The following PLA2R1 variants were observed in gnomAD, a reference collection of about 807,000 sequenced individuals.
PLA2R1 encodes the protein phospholipase A2 receptor 1.
Under a neutral mutation model 195.9 loss-of-function variants are expected in PLA2R1, and 158 were observed. The observed-to-expected ratio is 0.81, with a 90% CI of 0.71 to 0.92. The LOEUF (loss-of-function observed/expected upper bound fraction) is 0.92, where lower values mean the gene tolerates loss of function less well. PLA2R1 is among the 40% of genes least tolerant of loss of function. The pLI is 0.00. For synonymous variants in PLA2R1, 586 were observed against 598.2 expected (o/e 0.98, Z 0.30); for missense variants, 1,626 against 1,764.6 (o/e 0.92, Z 1.41).
Position 160,028,340 on chromosome 2 carries a change from A to T in PLA2R1, c.977T>A (p.Val326Asp), listed in dbSNP as rs1693649232. Reference protein sequence around the residue: ...WSPEVNFEPFVEDHCGTFSSF... With the variant: ...WSPEVNFEPFDEDHCGTFSSF... ...ACTAAATGTTCCACAGTGATCTTCA[A>T]CAAATGGCTCAAAATTTACCTCTGA... Residue 326 changes from valine to aspartate, a missense_variant, in exon 6 of 30, where the codon GTT (valine) becomes GAT (aspartate). Transcript: ENST00000283243. 1 of 1,609,250 alleles carries T rather than the reference A, an allele frequency of 6.2e-7. No individual in the cohort carries two copies.
chr2:159,992,427 G>C lies in PLA2R1; in HGVS notation c.1835-5069C>G, dbSNP rs1574753983. On this transcript the variant is annotated intron_variant, in intron 11 of 29. Transcript: ENST00000283243. ...CTCCCATTCACAATTGCTTCAAAGA[G>C]AATAAAATACCTAGGAATCCAACTT... Among the ~76,000 whole-genome samples, 4 of 146,766 alleles carry C rather than the reference G, an allele frequency of 2.7e-5. 1 individual carries two copies. Among genetic ancestry groups the C allele is most frequent in the South Asian group, 4.6e-4 (2 of 4,336 alleles).
chr2:160,000,302 A>G (rs1691506711), intron 11 of PLA2R1, among the ~76,000 whole-genome samples: 2 of 152,200 alleles, frequency 1.3e-5, no homozygotes, highest in Admixed American at 1.3e-4. Flanking sequence ...ATAATAAGAA[A>G]AGAAATAACT....
At chr2:160,006,520 C>T (rs1691996793) in intron 10 of PLA2R1, among the ~76,000 whole-genome samples, 1 of 152,140 alleles carries the variant, frequency 6.6e-6, no homozygotes, top group African/African-American at 2.4e-5. Flanking sequence ...TGGCAGTGCC[C>T]CCTTTCCAGT....
At chr2:160,010,106 T>C (rs1225137965) in intron 10 of PLA2R1, among the ~76,000 whole-genome samples, 3 of 152,102 alleles carry the variant, frequency 2.0e-5, no homozygotes, top group Non-Finnish European at 4.4e-5. Flanking sequence ...TAAGACACTG[T>C]CTCAAAAATA....
intron 8 of PLA2R1, among the ~76,000 whole-genome samples, chr2:160,018,275 T>C (rs1262561652): frequency 6.6e-6 from 1 of 152,134 alleles, no homozygotes. Context: ...AACATACCCA[T>C]GCCTGTCAAT....
At chr2:159,946,225 T>C (rs1040279589) in intron 27 of PLA2R1, 51 of 968,532 alleles carry the variant, frequency 5.3e-5, no homozygotes, top group Admixed American at 3.7e-4. Context: ...GTGATTAAAA[T>C]ACTCCTCCTC....
At chr2:160,034,720 G>C (rs768338135) in intron 3 of PLA2R1, among the ~76,000 whole-genome samples, 26 of 152,140 alleles carry the variant, frequency 1.7e-4, no homozygotes, top group Non-Finnish European at 2.9e-4. Flanking sequence ...ATCACTTGAA[G>C]TCAGGAGTTC....
At chr2:160,059,667 G>A in intron 1 of PLA2R1, among the ~76,000 whole-genome samples, 1 of 152,134 alleles carries the variant, frequency 6.6e-6, no homozygotes, top group Non-Finnish European at 1.5e-5. Context: ...TCACACTGCT[G>A]AAAAAGACAT....
intron 1 of PLA2R1, among the ~76,000 whole-genome samples, chr2:160,053,856 G>C (rs1308708777): frequency 6.6e-6 from 1 of 152,208 alleles, no homozygotes; most frequent in Non-Finnish European, 1.5e-5. Context: ...TTGTTCCATT[G>C]GACATCATGC....
chr2:159,930,678 A>G (rs1686567939), downstream of PLA2R1, among the ~76,000 whole-genome samples: 6 of 152,172 alleles, frequency 3.9e-5, no homozygotes, highest in South Asian at 1.2e-3. Context: ...GAAATGAAGG[A>G]AGTTGTGCTT....
chr2:160,035,566 A>C (rs17241394), intron 3 of PLA2R1, among the ~76,000 whole-genome samples: 1 of 152,096 alleles, frequency 6.6e-6, no homozygotes, highest in Non-Finnish European at 1.5e-5. Context: ...TATTCTTTAC[A>C]TCTTTGATTG....
intron 28 of PLA2R1, 63 bp downstream of exon 28, chr2:159,944,843 G>C: frequency 2.4e-6 from 3 of 1,228,896 alleles, no homozygotes; most frequent in Non-Finnish European, 2.4e-6. Context: ...AAATGCTAAA[G>C]AAGTCAGTCA....
intron 1 of PLA2R1, among the ~76,000 whole-genome samples, chr2:160,057,342 C>T (rs1695618521): frequency 6.6e-6 from 1 of 152,090 alleles, no homozygotes; most frequent in African/African-American, 2.4e-5. Context: ...TGTCCTGGGT[C>T]CCCCTTGAGA....
intron 24 of PLA2R1, among the ~76,000 whole-genome samples, chr2:159,950,970 C>G (rs773432112): frequency 6.6e-6 from 1 of 152,144 alleles, no homozygotes; most frequent in African/African-American, 2.4e-5. Flanking sequence ...AAGCATGATT[C>G]GTTTTTTCTT....
At chr2:160,026,024 T>C (rs59242460) in intron 6 of PLA2R1, among the ~76,000 whole-genome samples, 1,731 of 152,296 alleles carry the variant, frequency 0.011, 29 homozygotes, top group Middle Eastern at 0.061. Context: ...CTTGTCACAG[T>C]GGGGGAAATG....
chr2:159,955,241 A>G lies in PLA2R1; in HGVS notation c.3259T>C (p.Cys1087Arg). Residue 1087 changes from cysteine to arginine, a missense_variant, in exon 23 of 30, where the codon TGT becomes CGT. Cys to Arg is a radical substitution (Grantham distance 180). Transcript: ENST00000283243. ...ACAAACCCATAGCCTTCCTTTCCAC[A>G]GTCTTCAAAATACCATTTTCCAGTG... ...HFTGKWYFEDCGKEGYGFVCE... is the reference protein window; with the variant it reads ...HFTGKWYFEDRGKEGYGFVCE... The G allele has an allele frequency of 6.2e-7, 1 of 1,612,042 alleles. No individual in the cohort carries two copies. The highest frequency in any genetic ancestry group is 8.5e-7 in the Non-Finnish European group (1 of 1,178,614).
chr2:160,046,912 A>G (rs1207959943), intron 1 of PLA2R1, among the ~76,000 whole-genome samples: 1 of 152,106 alleles, frequency 6.6e-6, no homozygotes, highest in Non-Finnish European at 1.5e-5. Context: ...TCACTTTTTC[A>G]TGCCTGGGTA....
At position 160,062,592 on chromosome 2, in the gene PLA2R1, C is replaced by A; in HGVS notation, c.-189G>T. On this transcript the variant is annotated 5_prime_UTR_variant, in exon 1 of 30. Transcript: ENST00000283243. ...ACCCACTCCGCCACCGCTGTCTCCA[C>A]AGTGAACCGACACTCGGGGCTCTGG... 1 of 1,047,874 alleles carries A rather than the reference C, an allele frequency of 9.5e-7. No individual in the cohort carries two copies. Among genetic ancestry groups the A allele is most frequent in the Non-Finnish European group, 1.3e-6 (1 of 785,260 alleles). The allele number at this position is 1,047,874 out of a possible 1,614,324, so 64.9% of individuals were successfully genotyped here.
rs1324845577 is a variant in PLA2R1, at chr2:159,987,166, C to T, written c.2027G>A (p.Ser676Asn). Residue 676 changes from serine to asparagine, a missense_variant, in exon 12 of 30, where the codon AGT becomes AAT. By Grantham distance (46) the Ser-to-Asn change is conservative. Coordinates refer to ENST00000283243, the MANE Select transcript of PLA2R1 (RefSeq NM_007366.5). ...TAACCTTGGTATCACCTTGAAGCAACTGGCCAGACCAGGCTCTGACTCCCA... is the reference window on the plus strand; with the variant it reads ...TAACCTTGGTATCACCTTGAAGCAATTGGCCAGACCAGGCTCTGACTCCCA... ...LDWESEPGLA[S>N]CFKVFHSEKV... The T allele has an allele frequency of 1.2e-6, 2 of 1,612,704 alleles. No individual in the cohort carries two copies. Among genetic ancestry groups the T allele is most frequent in the African/African-American group, 1.3e-5 (1 of 75,002 alleles).
Sources: gnomAD v4.1 joint callset for allele counts (sites outside exome capture counted in the v4.1 genomes callset) on GRCh38, gnomAD v4.1.1 for gene constraint, MANE v1.5 for transcripts, NCBI Gene and HGNC (gene_info 2026-07-23, HGNC 2026-07-21) for gene names.